Variants in NRF1 observed in about 807,000 individuals in gnomAD.
The protein encoded by NRF1 is nuclear respiratory factor 1, also known as alpha palindromic-binding protein.
A neutral mutation model predicts 58.5 loss-of-function variants in NRF1; 5 were observed. The observed-to-expected ratio is 0.09, with a 90% CI of 0.04 to 0.18. The LOEUF (loss-of-function observed/expected upper bound fraction) is 0.18, where lower values mean the gene tolerates loss of function less well. Ranked by LOEUF, NRF1 falls within the 10% of genes least tolerant of loss-of-function variation. The pLI is 1.00. For missense variants in NRF1, 288 were observed against 657.7 expected, an observed-to-expected ratio of 0.44 and a Z score of 6.15; for synonymous variants, 224 against 246.7, an observed-to-expected ratio of 0.91 and a Z score of 0.86.
intron 2 of NRF1, among the ~76,000 whole-genome samples, chr7:129,662,404 G>A (rs1190677784): frequency 1.3e-5 from 2 of 151,024 alleles, no homozygotes; most frequent in Admixed American, 6.6e-5. Context: ...GTGTGTGTGT[G>A]TGTGTGTGTG....
chr7:129,634,029 T>TAA lies in NRF1; in HGVS notation c.-7+22217_-7+22218dup, dbSNP rs34010272. Among the ~76,000 whole-genome samples, 115 of 110,756 alleles carry TAA rather than the reference T, an allele frequency of 1.0e-3. 2 individuals carry two copies. Among genetic ancestry groups the TAA allele is most frequent in the East Asian group, 7.3e-3 (27 of 3,700 alleles). The allele number at this position is 110,756 out of a possible 152,430, so 72.7% of individuals were successfully genotyped here. On this transcript the variant is annotated intron_variant, in intron 1 of 10. Coordinates refer to ENST00000393232, the MANE Select transcript of NRF1 (RefSeq NM_005011.5). Reference sequence around the variant, plus strand: ...AATATTGTTTTTTTACATCTGTATTTAAAAAAAAAAAAAGATATATATATA... The same window carrying TAA: ...AATATTGTTTTTTTACATCTGTATTTAAAAAAAAAAAAAAAGATATATATATA...
chr7:129,656,729 C>T (rs1022877472), intron 1 of NRF1, among the ~76,000 whole-genome samples: 8 of 152,216 alleles, frequency 5.3e-5, no homozygotes, highest in African/African-American at 1.9e-4. Context: ...CGCCCACCAC[C>T]ACGCCTGGCT....
chr7:129,690,264 T>C, intron 4 of NRF1, 142 bp from the exon 5 acceptor site: 1 of 720,832 alleles, frequency 1.4e-6, no homozygotes. Context: ...CAGTGGGTAT[T>C]TTTATTTGCT....
chr7:129,683,292 T>A (rs1049415105), intron 4 of NRF1, among the ~76,000 whole-genome samples: 3 of 110,354 alleles, frequency 2.7e-5, no homozygotes, highest in African/African-American at 1.4e-4. Flanking sequence ...GTGGAGAGTG[T>A]GTGTGTGTGT....
rs113080395 is a variant in NRF1, at chr7:129,697,387, T to A, written c.606+6841T>A. 4.4e-3 allele frequency among the ~76,000 whole-genome samples: 643 copies of A among 146,756 alleles called. 5 individuals carry two copies. The highest frequency in any genetic ancestry group is 0.016 in the Admixed American group (233 of 14,704). On this transcript the variant is annotated intron_variant, in intron 5 of 10. Transcript: ENST00000393232. ...TGAAACCCCGTCTCCACTAAAAATT[T>A]AAAAAAAAAAATCAGCCCGGTGTGC...
chr7:129,683,976 A>G (rs568802811), intron 4 of NRF1, among the ~76,000 whole-genome samples: 1 of 152,294 alleles, frequency 6.6e-6, no homozygotes, highest in African/African-American at 2.4e-5. Flanking sequence ...TTATTTAGAA[A>G]CAAAAATGAT....
At chr7:129,728,860 G>T (rs1037284505) in intron 10 of NRF1, among the ~76,000 whole-genome samples, 2 of 151,772 alleles carry the variant, frequency 1.3e-5, no homozygotes, top group Non-Finnish European at 2.9e-5. Context: ...AGACAGAGTT[G>T]ATCTCAACCA....
At chr7:129,679,131 A>C (rs1802247869) in intron 4 of NRF1, among the ~76,000 whole-genome samples, 1 of 152,244 alleles carries the variant, frequency 6.6e-6, no homozygotes. Flanking sequence ...AGTCTAGAAC[A>C]CAATAATACA....
At chr7:129,640,608 A>C (rs954937171) in intron 1 of NRF1, among the ~76,000 whole-genome samples, 1 of 152,214 alleles carries the variant, frequency 6.6e-6, no homozygotes, top group Non-Finnish European at 1.5e-5. Flanking sequence ...CTATTAATAC[A>C]TAATAGCTTG....
intron 1 of NRF1, among the ~76,000 whole-genome samples, chr7:129,645,098 C>G (rs1319327807): frequency 6.6e-6 from 1 of 151,802 alleles, no homozygotes; most frequent in Non-Finnish European, 1.5e-5. Flanking sequence ...TCTTTGCTGT[C>G]CTCATCTTTG....
chr7:129,629,367 C>T (rs1158567982), intron 1 of NRF1, among the ~76,000 whole-genome samples: 2 of 151,742 alleles, frequency 1.3e-5, no homozygotes, highest in Non-Finnish European at 1.5e-5. Flanking sequence ...CAACCTCCGC[C>T]TCCCGGGTTC....
chr7:129,732,827 C>T (rs1020269975), intron 10 of NRF1, among the ~76,000 whole-genome samples: 1 of 152,174 alleles, frequency 6.6e-6, no homozygotes, highest in Non-Finnish European at 1.5e-5. Context: ...GTCTCGAACT[C>T]CCGACCTCAG....
intron 6 of NRF1, among the ~76,000 whole-genome samples, chr7:129,709,986 T>TC (rs1803037179): frequency 6.6e-6 from 1 of 152,136 alleles, no homozygotes; most frequent in South Asian, 2.1e-4. Context: ...CTCCTCAGCC[T>TC]CCCAAAGTGC....
chr7:129,739,485 C>T (rs1156910803), intron 10 of NRF1, among the ~76,000 whole-genome samples: 3 of 151,482 alleles, frequency 2.0e-5, no homozygotes, highest in Non-Finnish European at 4.4e-5. Context: ...ACAAATACTT[C>T]ATGAGCTTTG....
At chr7:129,706,295 A>G (rs1345256301) in intron 5 of NRF1, among the ~76,000 whole-genome samples, 1 of 152,200 alleles carries the variant, frequency 6.6e-6, no homozygotes, top group African/African-American at 2.4e-5. Context: ...TGTAGGTAAC[A>G]TTTAGGAAAA....
In NRF1 at chr7:129,740,335, T is replaced by TAATC. The variant is rs1247687466; in HGVS notation, c.1348+12972_1348+12975dup. On this transcript the variant is annotated intron_variant, in intron 10 of 10. Coordinates refer to ENST00000393232, the MANE Select transcript of NRF1 (RefSeq NM_005011.5). ...TTATGATTATTACCATTATAATGAT[T>TAATC]AATCACTCACACCGAATGGGAAGGG... Among the ~76,000 whole-genome samples, 3 of 152,342 alleles carry TAATC rather than the reference T, an allele frequency of 2.0e-5. No individual in the cohort carries two copies. The East Asian group carries it at 5.8e-4, about 29-fold the overall frequency.
chr7:129,674,152 A>G (rs1584629588), intron 3 of NRF1, among the ~76,000 whole-genome samples: 1 of 152,138 alleles, frequency 6.6e-6, no homozygotes, highest in South Asian at 2.1e-4. Flanking sequence ...AAAAAAAAAA[A>G]AGCTGTTTTC....
intron 5 of NRF1, among the ~76,000 whole-genome samples, chr7:129,696,085 A>T (rs958295725): frequency 1.4e-5 from 1 of 71,968 alleles, no homozygotes; most frequent in Non-Finnish European, 2.7e-5. Flanking sequence ...AAAAAAAAAA[A>T]ACAACCAAAT....
chr7:129,679,148 G>T (rs1363093928), intron 4 of NRF1, among the ~76,000 whole-genome samples: 1 of 152,148 alleles, frequency 6.6e-6, no homozygotes, highest in Non-Finnish European at 1.5e-5. Context: ...TACAAGTGAG[G>T]CCAGTTAATT....
Sources: allele counts gnomAD v4.1 joint callset (sites outside exome capture counted in the v4.1 genomes callset), GRCh38; gene constraint gnomAD v4.1.1; transcripts MANE v1.5; gene names NCBI Gene and HGNC (gene_info 2026-07-23, HGNC 2026-07-21).